The following FAM161A variants were observed in gnomAD, a reference collection of about 807,000 sequenced individuals.
FAM161A encodes the protein protein FAM161A.
A neutral mutation model predicts 70.9 loss-of-function variants in FAM161A; 57 were observed. That is an observed-to-expected ratio of 0.80 (90% CI 0.65 to 1.00). The LOEUF (loss-of-function observed/expected upper bound fraction) is 1.00, where lower values mean the gene tolerates loss of function less well. Among genes scored for constraint, FAM161A ranks in the 50% least tolerant of loss-of-function variants. FAM161A has a pLI of 0.00. For synonymous variants in FAM161A, 299 were observed against 295.7 expected (o/e 1.01, Z -0.12); for missense variants, 880 against 836.0 (o/e 1.05, Z -0.65).
At chr2:61,842,442 T>C (rs1253531170) in intron 1 of FAM161A, 82 bp from the exon 2 acceptor site, 7 of 817,050 alleles carry the variant, frequency 8.6e-6, no homozygotes, top group Non-Finnish European at 1.4e-5. Flanking sequence ...ATGCTGCTTC[T>C]TAAAGAGTCC....
chr2:61,842,040 T>C, intron 2 of FAM161A, 82 bp downstream of exon 2: 2 of 919,744 alleles, frequency 2.2e-6, no homozygotes, highest in South Asian at 2.6e-5. Context: ...TAAGAGAAAA[T>C]ATTATGAAGT....
rs544342729 is a variant in FAM161A at position 61,825,498 on chromosome 2, T to C, written c.*957A>G. 9.0e-5 allele frequency: 40 copies of C among 443,122 alleles called. No homozygotes were observed. The highest frequency in any genetic ancestry group is 7.5e-4 in the African/African-American group (37 of 49,234). 27.4% of individuals were successfully genotyped at this position (443,122 alleles called of 1,614,324 possible). On this transcript the variant is annotated 3_prime_UTR_variant, in exon 7 of 7. Transcript: ENST00000404929. Reference sequence around the variant, plus strand: ...GGTTAAAAAAACTAGTATAAAAACTTTCCTAATAATTTACAAATCAAAAAT... The same window carrying C: ...GGTTAAAAAAACTAGTATAAAAACTCTCCTAATAATTTACAAATCAAAAAT...
the FAM161A span, among the ~76,000 whole-genome samples, chr2:61,813,578 A>C: frequency 6.8e-6 from 1 of 147,818 alleles, no homozygotes; most frequent in African/African-American, 2.5e-5. Flanking sequence ...AAAGAGCCAG[A>C]TGTGGTGGCA....
the FAM161A span, among the ~76,000 whole-genome samples, chr2:61,815,535 C>CTTTTTTTTTTTTTTTTTTT: frequency 1.9e-5 from 1 of 53,210 alleles, no homozygotes; most frequent in Non-Finnish European, 3.2e-5. Context: ...AAAGATGTGT[C>CTTTTTTTTTTTTTTTTTTT]TTTTTTTTTT....
chr2:61,850,715 T>C (rs1256239111), intron 1 of FAM161A, among the ~76,000 whole-genome samples: 3 of 152,170 alleles, frequency 2.0e-5, no homozygotes, highest in African/African-American at 7.2e-5. Context: ...ACTGCACCAG[T>C]GCATTCCAGC....
At chr2:61,829,127 C>T (rs781771534) in intron 5 of FAM161A, among the ~76,000 whole-genome samples, 4 of 152,308 alleles carry the variant, frequency 2.6e-5, no homozygotes, top group South Asian at 2.1e-4. Context: ...AAGTCTCCCC[C>T]GGCCCCCGCC....
At chr2:61,853,716 C>G (rs1287331369) in intron 1 of FAM161A, 143 bp downstream of exon 1, 1 of 820,062 alleles carries the variant, frequency 1.2e-6, no homozygotes, top group Non-Finnish European at 1.9e-6. Context: ...AGAGAAGGGG[C>G]TGGGCCAGGA....
downstream of FAM161A, among the ~76,000 whole-genome samples, chr2:61,820,894 C>T (rs531739200): frequency 6.6e-6 from 1 of 152,234 alleles, no homozygotes; most frequent in African/African-American, 2.4e-5. Context: ...TTTTCTTTAA[C>T]ATATGTAAGT....
Position 61,840,074 on chromosome 2 carries a change from C to A in FAM161A, c.930G>T (p.Leu310=), listed in dbSNP as rs1396975869. The stretch of plus-strand genomic sequence containing the variant: ...AAAGAGCTTCTTTGCTTTTCTCCTT[C>A]AGAGACCTTCTCCGTTCTTCTTTTT... The part of the protein sequence containing the change: ...VKQKEERRRS[L]KEKSKEALLA... The change falls in exon 3 of 7, where the codon CTG becomes CTT. Residue 310 remains leucine (L), a synonymous_variant. Transcript: ENST00000404929. The A allele has an allele frequency of 1.2e-6, 2 of 1,614,060 alleles. No individual in the cohort carries two copies. The highest frequency in any genetic ancestry group is 2.7e-5 in the African/African-American group (2 of 74,928).
intron 1 of FAM161A, among the ~76,000 whole-genome samples, chr2:61,853,339 G>A (rs1330039287): frequency 6.6e-6 from 1 of 152,136 alleles, no homozygotes. Flanking sequence ...ACCCTAAAGA[G>A]CTGTTTAGGA....
At chr2:61,847,437 T>C (rs1673263591) in intron 1 of FAM161A, among the ~76,000 whole-genome samples, 1 of 152,154 alleles carries the variant, frequency 6.6e-6, no homozygotes, top group African/African-American at 2.4e-5. Flanking sequence ...TACTTGATTG[T>C]GTATTATATG....
intron 1 of FAM161A, among the ~76,000 whole-genome samples, chr2:61,843,054 G>A (rs867674932): frequency 1.3e-5 from 2 of 152,338 alleles, no homozygotes; most frequent in Middle Eastern, 6.8e-3. Context: ...AAGAAAAAAT[G>A]CTGTAATTAT....
chr2:61,823,362 C>CATATAT (rs59631970), downstream of FAM161A, among the ~76,000 whole-genome samples: 159 of 120,044 alleles, frequency 1.3e-3, 4 homozygotes, highest in East Asian at 0.017. Context: ...AATTTTCCAT[C>CATATAT]ATATATATAT....
At chr2:61,804,194 C>T in the FAM161A span, among the ~76,000 whole-genome samples, 2 of 152,132 alleles carry the variant, frequency 1.3e-5, no homozygotes, top group East Asian at 1.9e-4. Flanking sequence ...GCAGTGAGGA[C>T]GGCCAGAGGT....
chr2:61,846,961 C>T (rs758294733), intron 1 of FAM161A: 22 of 451,252 alleles, frequency 4.9e-5, no homozygotes, highest in South Asian at 1.4e-4. Context: ...GTCAGGAATC[C>T]GAGACCAATC....
chr2:61,824,771 C>T (rs1226429161), downstream of FAM161A: 1 of 307,506 alleles, frequency 3.3e-6, no homozygotes, highest in Admixed American at 4.6e-5. Context: ...TCACAGGCTC[C>T]CAATGAGCTA....
intron 5 of FAM161A, among the ~76,000 whole-genome samples, 168 bp from the exon 6 acceptor site, chr2:61,827,426 C>T (rs1012420522): frequency 5.9e-5 from 9 of 151,880 alleles, no homozygotes; most frequent in African/African-American, 9.7e-5. Flanking sequence ...CTGGCTAACA[C>T]GGTGAAACCC....
intron 3 of FAM161A, 129 bp from the exon 4 acceptor site, chr2:61,838,834 T>A (rs1314204061): frequency 2.4e-6 from 1 of 409,934 alleles, no homozygotes; most frequent in Non-Finnish European, 4.1e-6. Flanking sequence ...TTGAAAAGGA[T>A]CTGACCTGTA....
Position 61,847,424 on chromosome 2 carries a change from C to G in FAM161A, c.184-5064G>C, listed in dbSNP as rs11125897. On this transcript the variant is annotated intron_variant, in intron 1 of 6. Transcript: ENST00000404929. ...TCATCACCATTGACGTCCTACATATCTGTACTTGATTGTGTATTATATGCC... is the reference window on the plus strand; with the variant it reads ...TCATCACCATTGACGTCCTACATATGTGTACTTGATTGTGTATTATATGCC... Among the ~76,000 whole-genome samples the G allele has an allele frequency of 3.9e-5, 6 of 152,058 alleles. No homozygotes were observed. The East Asian group carries it at 1.2e-3, about 29-fold the overall frequency.
Sources: allele counts gnomAD v4.1 joint callset (sites outside exome capture counted in the v4.1 genomes callset), GRCh38; gene constraint gnomAD v4.1.1; transcripts MANE v1.5; gene names NCBI Gene and HGNC (gene_info 2026-07-23, HGNC 2026-07-21).